Variants in ZNF131 observed in about 807,000 individuals in gnomAD.
ZNF131 encodes the protein zinc finger and BTB domain containing 35.
ZNF131 carries 7 observed loss-of-function variants against 60.0 expected under a neutral mutation model. That is an observed-to-expected ratio of 0.12 (90% CI 0.07 to 0.22). The LOEUF (loss-of-function observed/expected upper bound fraction) is 0.22, where lower values mean the gene tolerates loss of function less well. ZNF131 is among the 10% of genes least tolerant of loss of function. The pLI, the probability that ZNF131 is intolerant of heterozygous loss-of-function variation, is 1.00. For synonymous variants in ZNF131, 257 were observed against 253.2 expected (o/e 1.01, Z -0.14); for missense variants, 493 against 740.9 (o/e 0.67, Z 3.88).
Position 43,123,249 on chromosome 5 carries a change from TAGTA to T in ZNF131, c.169_172del (p.Lys57SerfsTer17). The T allele has an allele frequency of 6.2e-7, 1 of 1,612,516 alleles. No individual in the cohort carries two copies. Among genetic ancestry groups the T allele is most frequent in the Non-Finnish European group, 8.5e-7 (1 of 1,179,614 alleles). The stretch of plus-strand genomic sequence containing the variant: ...CTCACAAGGCTGTTTTGGCTGCTTG[TAGTA>T]AGTTCTTCTACAAATTCTTTCAGGA... On this transcript the variant is annotated frameshift_variant, in exon 3 of 7. Coordinates refer to ENST00000682664, the MANE Select transcript of ZNF131 (RefSeq NM_001330707.2). LOFTEE classifies it high-confidence loss of function.
chr5:43,141,787 A>G lies in ZNF131; in HGVS notation c.371+2478A>G, dbSNP rs140431482. Among the ~76,000 whole-genome samples, 446 of 151,960 alleles carry G rather than the reference A, an allele frequency of 2.9e-3. 1 individual carries two copies. The highest frequency in any genetic ancestry group is 0.01 in the African/African-American group (435 of 41,430). On this transcript the variant is annotated intron_variant, in intron 4 of 6. Coordinates refer to ENST00000682664, the MANE Select transcript of ZNF131 (RefSeq NM_001330707.2). ...TGTCTCAAAAAAAAAAAAAACTGGA[A>G]TTCCAATAGTACCTAAAACAATCAT...
At chr5:43,141,215 A>G (rs977614957) in intron 4 of ZNF131, among the ~76,000 whole-genome samples, 3 of 152,202 alleles carry the variant, frequency 2.0e-5, no homozygotes, top group Non-Finnish European at 2.9e-5. Context: ...GTGAATAGAT[A>G]GATGGATACA....
intron 3 of ZNF131, among the ~76,000 whole-genome samples, chr5:43,134,116 A>C (rs891649742): frequency 3.9e-5 from 6 of 152,224 alleles, no homozygotes; most frequent in African/African-American, 1.4e-4. Flanking sequence ...TATAGATGCA[A>C]AACTTTGCAG....
chr5:43,153,110 T>C (rs1382341923), intron 4 of ZNF131, among the ~76,000 whole-genome samples: 1 of 152,140 alleles, frequency 6.6e-6, no homozygotes, highest in African/African-American at 2.4e-5. Flanking sequence ...TTTCCCACTT[T>C]GGCTCACATG....
intron 3 of ZNF131, among the ~76,000 whole-genome samples, chr5:43,127,851 A>G (rs1048633277): frequency 4.6e-5 from 7 of 152,118 alleles, no homozygotes; most frequent in Non-Finnish European, 7.4e-5. Context: ...TGAACCTCCA[A>G]TTTTCTAAAT....
At chr5:43,134,006 G>A (rs183882040) in intron 3 of ZNF131, among the ~76,000 whole-genome samples, 409 of 151,940 alleles carry the variant, frequency 2.7e-3, no homozygotes, top group Non-Finnish European at 4.9e-3. Flanking sequence ...AACTGAAGAG[G>A]AAGGAATATT....
chr5:43,147,024 G>A (rs1462588063), intron 4 of ZNF131, among the ~76,000 whole-genome samples: 1 of 152,090 alleles, frequency 6.6e-6, no homozygotes. Context: ...CTGATCTCTA[G>A]CCCCAGGCAA....
chr5:43,132,505 CTTTTTTTTTTT>C (rs4050538), intron 3 of ZNF131, among the ~76,000 whole-genome samples: 2 of 93,498 alleles, frequency 2.1e-5, no homozygotes, highest in East Asian at 3.2e-4. Flanking sequence ...GAATGGTATT[CTTTTTTTTTTT>C]TTTTTTTTTT....
intron 4 of ZNF131, among the ~76,000 whole-genome samples, chr5:43,156,148 A>G (rs1045525862): frequency 1.3e-5 from 2 of 152,220 alleles, no homozygotes; most frequent in Non-Finnish European, 2.9e-5. Context: ...TGAAGCAACA[A>G]CAGTATACAT....
At chr5:43,166,680 G>C (rs1750402085) in intron 5 of ZNF131, among the ~76,000 whole-genome samples, 2 of 149,226 alleles carry the variant, frequency 1.3e-5, no homozygotes, top group East Asian at 2.0e-4. Flanking sequence ...TTTTGACACG[G>C]GGTCTCGCTC....
rs199872173 is a variant in ZNF131 at position 43,174,901 on chromosome 5, G to A, written c.1640G>A (p.Arg547Gln). 20 of 1,614,016 alleles carry A rather than the reference G, an allele frequency of 1.2e-5. No homozygotes were observed. Among genetic ancestry groups the A allele is most frequent in the Non-Finnish European group, 1.4e-5 (17 of 1,180,048 alleles). ...CATGTAGAGGAGCTGCATGTTGAACGGGTCAATCAAATGCCAGTGGAAGTA... is the reference window on the plus strand; with the variant it reads ...CATGTAGAGGAGCTGCATGTTGAACAGGTCAATCAAATGCCAGTGGAAGTA... ...EVHVEELHVE[R>Q]VNQMPVEVQT... The change falls in exon 7 of 7, where the codon CGG (arginine) becomes CAG (glutamine). Residue 547 changes from arginine (R) to glutamine (Q), a missense_variant. Around this residue, in one of 7 missense-constraint regions of ZNF131, gnomAD observed 202 missense variants for 221.3 expected, o/e 0.91. Transcript: ENST00000682664.
intron 2 of ZNF131, among the ~76,000 whole-genome samples, chr5:43,122,557 A>G (rs953022832): frequency 6.6e-6 from 1 of 151,882 alleles, no homozygotes. Flanking sequence ...TTTTTTTTCT[A>G]GTTTCCCAAA....
chr5:43,141,492 G>A (rs2112271974), intron 4 of ZNF131, among the ~76,000 whole-genome samples: 1 of 152,162 alleles, frequency 6.6e-6, no homozygotes. Context: ...CCCAAGCCTG[G>A]CGCAGTGGCT....
chr5:43,155,771 C>T (rs1374369418), intron 4 of ZNF131, among the ~76,000 whole-genome samples: 3 of 152,130 alleles, frequency 2.0e-5, no homozygotes, highest in Admixed American at 1.3e-4. Context: ...TTTTCTTTTA[C>T]TGCTGGATGG....
At chr5:43,150,532 G>T (rs778419307) in intron 4 of ZNF131, among the ~76,000 whole-genome samples, 4 of 152,158 alleles carry the variant, frequency 2.6e-5, no homozygotes, top group African/African-American at 4.8e-5. Context: ...GCTCATGCCT[G>T]TAATCCCAGC....
intron 5 of ZNF131, among the ~76,000 whole-genome samples, chr5:43,170,480 A>G (rs981112484): frequency 6.6e-6 from 1 of 152,098 alleles, no homozygotes; most frequent in African/African-American, 2.4e-5. Context: ...TCATATCTCA[A>G]ACCTTAAGCA....
intron 5 of ZNF131, among the ~76,000 whole-genome samples, chr5:43,167,103 G>A (rs1455704270): frequency 6.6e-6 from 1 of 152,204 alleles, no homozygotes; most frequent in Non-Finnish European, 1.5e-5. Flanking sequence ...GAATAGTCAG[G>A]ATGCATACAA....
intron 3 of ZNF131, among the ~76,000 whole-genome samples, chr5:43,128,629 C>T (rs1301677122): frequency 7.2e-6 from 1 of 138,958 alleles, no homozygotes; most frequent in Non-Finnish European, 1.5e-5. Context: ...TGCACTCCAG[C>T]CTGGGCGACA....
intron 4 of ZNF131, among the ~76,000 whole-genome samples, chr5:43,143,927 TTTTTTTTTTC>T (rs1747208124): frequency 2.9e-5 from 3 of 104,044 alleles, no homozygotes; most frequent in African/African-American, 7.5e-5. Context: ...TTTTTTTTTT[TTTTTTTTTTC>T]CTTGAGACGG....
Sources: gnomAD v4.1 joint callset for allele counts (sites outside exome capture counted in the v4.1 genomes callset) on GRCh38, gnomAD v4.1.1 for gene constraint, gnomAD v4.1.1 regional missense constraint, MANE v1.5 for transcripts, NCBI Gene and HGNC (gene_info 2026-07-23, HGNC 2026-07-21) for gene names.